Variants in SUCLG2 observed in about 807,000 individuals in gnomAD.
SUCLG2 encodes succinate-CoA ligase GDP-forming subunit beta.
A neutral mutation model predicts 47.9 loss-of-function variants in SUCLG2; 42 were observed. The observed-to-expected ratio is 0.88, with a 90% CI of 0.69 to 1.14. The LOEUF is 1.14. Ranked by LOEUF, SUCLG2 falls within the 50% of genes most tolerant of loss-of-function variation. The probability of loss-of-function intolerance (pLI) is 0.00; values close to 1 mark genes in which losing one functional copy is unlikely to be tolerated. For synonymous variants in SUCLG2, 195 were observed against 197.3 expected (o/e 0.99, Z 0.10); for missense variants, 571 against 525.9 (o/e 1.09, Z -0.84).
chr3:67,510,447 G>C (rs1443211699), intron 6 of SUCLG2, among the ~76,000 whole-genome samples: 1 of 152,120 alleles, frequency 6.6e-6, no homozygotes, highest in African/African-American at 2.4e-5. Flanking sequence ...AAGAACTTAA[G>C]GGTTTTCCCT....
intron 4 of SUCLG2, among the ~76,000 whole-genome samples, chr3:67,524,682 T>A (rs1335628844): frequency 6.6e-6 from 1 of 152,190 alleles, no homozygotes; most frequent in Admixed American, 6.5e-5. Context: ...GTAGACATGT[T>A]TTTCCCTATT....
At chr3:67,386,249 C>T (rs575765579) in intron 10 of SUCLG2, among the ~76,000 whole-genome samples, 158 of 145,208 alleles carry the variant, frequency 1.1e-3, no homozygotes, top group African/African-American at 3.9e-3. Context: ...CCACCACGCC[C>T]GGCTAATTTT....
At chr3:67,526,253 C>T (rs749261933) in intron 4 of SUCLG2, among the ~76,000 whole-genome samples, 2 of 152,270 alleles carry the variant, frequency 1.3e-5, no homozygotes, top group East Asian at 3.9e-4. Flanking sequence ...TTGGGCCGCA[C>T]ATAAAATACA....
At chr3:67,562,774 C>T (rs1428691179) in intron 2 of SUCLG2, among the ~76,000 whole-genome samples, 1 of 152,072 alleles carries the variant, frequency 6.6e-6, no homozygotes, top group African/African-American at 2.4e-5. Flanking sequence ...TTATAAATTG[C>T]CTCAATACAA....
chr3:67,490,712 G>A (rs899534497), intron 9 of SUCLG2, among the ~76,000 whole-genome samples: 2 of 152,168 alleles, frequency 1.3e-5, no homozygotes, highest in African/African-American at 4.8e-5. Flanking sequence ...TTTTCACTAT[G>A]CTTTAGAAAG....
At chr3:67,434,377 A>G (rs564553289) in intron 9 of SUCLG2, among the ~76,000 whole-genome samples, 2 of 152,272 alleles carry the variant, frequency 1.3e-5, no homozygotes, top group South Asian at 4.1e-4. Context: ...AATGAAAAAC[A>G]TTAGTCAGGC....
chr3:67,569,157 G>A (rs1216811164), intron 2 of SUCLG2, among the ~76,000 whole-genome samples: 1 of 152,158 alleles, frequency 6.6e-6, no homozygotes. Context: ...CATTAACTCA[G>A]TAATTTCCTG....
chr3:67,530,179 G>GT (rs1262757818), intron 2 of SUCLG2, among the ~76,000 whole-genome samples: 1 of 152,092 alleles, frequency 6.6e-6, no homozygotes, highest in Non-Finnish European at 1.5e-5. Context: ...GCAAACCCAG[G>GT]TTTCAATCTG....
chr3:67,639,176 G>A (rs1440230062), intron 1 of SUCLG2, among the ~76,000 whole-genome samples: 4 of 151,988 alleles, frequency 2.6e-5, no homozygotes, highest in African/African-American at 4.8e-5. Context: ...ATGTACATTC[G>A]AAAAAAATGT....
chr3:67,642,140 C>A (rs540347570), intron 1 of SUCLG2, among the ~76,000 whole-genome samples: 1 of 152,108 alleles, frequency 6.6e-6, no homozygotes, highest in Non-Finnish European at 1.5e-5. Flanking sequence ...TTCTGAGATA[C>A]TGAAGGTTAG....
intron 10 of SUCLG2, among the ~76,000 whole-genome samples, chr3:67,387,562 C>G (rs1179370206): frequency 6.6e-6 from 1 of 152,102 alleles, no homozygotes; most frequent in Non-Finnish European, 1.5e-5. Context: ...AGCTAGTTAC[C>G]CTGCCTTAAA....
At chr3:67,654,473 G>T in intron 1 of SUCLG2, 30 bp downstream of exon 1, 1 of 1,230,994 alleles carries the variant, frequency 8.1e-7, no homozygotes, top group South Asian at 4.1e-5. Flanking sequence ...CGCCGCTGCT[G>T]GCGCCCGCAG....
chr3:67,510,004 T>C lies in SUCLG2; in HGVS notation c.661-1101A>G, dbSNP rs1705743051. Reference sequence around the variant, plus strand: ...GAGCCAGGGTACTTCCACTCCTCTCTTTCTATCTGGGCAGCACCTCCTCCT... The same window carrying C: ...GAGCCAGGGTACTTCCACTCCTCTCCTTCTATCTGGGCAGCACCTCCTCCT... On this transcript the variant is annotated intron_variant, in intron 6 of 10. Transcript: ENST00000307227. Among the ~76,000 whole-genome samples the C allele has an allele frequency of 4.6e-5, 7 of 152,178 alleles. No homozygotes were observed. The South Asian group carries it at 1.2e-3, about 27-fold the overall frequency.
At chr3:67,591,815 T>G (rs993462348) in intron 2 of SUCLG2, among the ~76,000 whole-genome samples, 1 of 152,200 alleles carries the variant, frequency 6.6e-6, no homozygotes, top group African/African-American at 2.4e-5. Flanking sequence ...TGCCTAAAAC[T>G]AAATAATAGA....
intron 2 of SUCLG2, among the ~76,000 whole-genome samples, chr3:67,552,292 A>G (rs963433813): frequency 2.0e-5 from 3 of 152,090 alleles, no homozygotes; most frequent in African/African-American, 7.2e-5. Flanking sequence ...CACGTATCTC[A>G]CATGTATTAA....
chr3:67,630,791 G>C (rs892028865), intron 1 of SUCLG2, among the ~76,000 whole-genome samples: 2 of 152,202 alleles, frequency 1.3e-5, no homozygotes, highest in Non-Finnish European at 2.9e-5. Context: ...TGAAATACAA[G>C]GTGAACCTAC....
intron 6 of SUCLG2, 112 bp from the exon 7 acceptor site, chr3:67,509,015 TTTTC>T: frequency 2.7e-6 from 2 of 739,486 alleles, no homozygotes. Context: ...TTCAGTTAGG[TTTTC>T]TGAAGGGAAA....
Position 67,609,526 on chromosome 3 carries a change from T to A in SUCLG2, c.155A>T (p.Asn52Ile). 2 of 1,613,908 alleles carry A rather than the reference T, an allele frequency of 1.2e-6. No homozygotes were observed. The highest frequency in any genetic ancestry group is 1.7e-6 in the Non-Finnish European group (2 of 1,179,892). The change falls in exon 2 of 11, where the codon AAC becomes ATC. Residue 52 changes from asparagine to isoleucine, a missense_variant. Coordinates refer to ENST00000307227, the MANE Select transcript of SUCLG2 (RefSeq NM_003848.4). ...EYQSKKLMSD[N>I]GVRVQRFFVA... ...AAAGAATCTTTGAACTCTCACTCCG[T>A]TGTCAGACATCAGTTTCTTGCTCTG...
At chr3:67,379,090 G>A (rs1279702929) in intron 10 of SUCLG2, among the ~76,000 whole-genome samples, 3 of 152,160 alleles carry the variant, frequency 2.0e-5, no homozygotes, top group Non-Finnish European at 4.4e-5. Context: ...GGGATGAGAG[G>A]CAGTGGCCAC....
Sources: gnomAD v4.1 joint callset for allele counts (sites outside exome capture counted in the v4.1 genomes callset) on GRCh38, gnomAD v4.1.1 for gene constraint, MANE v1.5 for transcripts, NCBI Gene and HGNC (gene_info 2026-07-23, HGNC 2026-07-21) for gene names.